Variants in RPS5 observed in about 807,000 individuals in gnomAD.
The protein encoded by RPS5 is small ribosomal subunit protein uS7.
In RPS5, 2 loss-of-function variants were observed where a neutral mutation model predicts 20.9. The ratio of observed to expected loss-of-function variants is 0.10; its 90% CI spans 0.04 to 0.30. RPS5 has a LOEUF of 0.30. Ranked by LOEUF, RPS5 falls within the 10% of genes least tolerant of loss-of-function variation. The probability of loss-of-function intolerance (pLI) is 1.00; values close to 1 mark genes in which losing one functional copy is unlikely to be tolerated. For missense variants in RPS5, 122 were observed against 287.2 expected, an observed-to-expected ratio of 0.42 and a Z score of 4.16; for synonymous variants, 112 against 105.8, an observed-to-expected ratio of 1.06 and a Z score of -0.36.
rs2052386216 is a variant in RPS5, at chr19:58,394,778, G to C, written c.*28G>C. ...TTCCCAGCTGCTGCCCAATAAACCT[G>C]TCTGCCCTTTGGGGCAGTCCCAGCC... On this transcript the variant is annotated 3_prime_UTR_variant, in exon 6 of 6. Coordinates refer to ENST00000196551, the MANE Select transcript of RPS5 (RefSeq NM_001009.4). 1 of 1,612,770 alleles carries C rather than the reference G, an allele frequency of 6.2e-7. No homozygotes were observed. The highest frequency in any genetic ancestry group is 8.5e-7 in the Non-Finnish European group (1 of 1,178,978).
At chr19:58,392,224 TGAGGCAGGAGAATCACTTGAACCCAG>T (rs1238785719) in intron 2 of RPS5, among the ~76,000 whole-genome samples, 1 of 152,110 alleles carries the variant, frequency 6.6e-6, no homozygotes, top group African/African-American at 2.4e-5. Context: ...CTCAGGAGGC[TGAGGCAGGAGAATCACTTGAACCCAG>T]GAGGCAGAAG....
intron 2 of RPS5, 105 bp downstream of exon 2, chr19:58,388,350 A>G (rs2052340445): frequency 2.6e-6 from 2 of 779,304 alleles, no homozygotes; most frequent in Non-Finnish European, 4.4e-6. Context: ...AATAGAGATC[A>G]TAACAGGTAA....
intron 2 of RPS5, among the ~76,000 whole-genome samples, chr19:58,391,587 A>C (rs73060258): frequency 0.17 from 25,098 of 150,582 alleles, 2,446 homozygotes; most frequent in Non-Finnish European, 0.22. Flanking sequence ...TGGGTGACAG[A>C]GTGAGACTCC....
At chr19:58,392,185 T>C (rs564202632) in intron 2 of RPS5, among the ~76,000 whole-genome samples, 1 of 151,612 alleles carries the variant, frequency 6.6e-6, no homozygotes, top group South Asian at 2.1e-4. Flanking sequence ...TTAGCTGGGC[T>C]TGGTGGCGCG....
At chr19:58,394,641 T>C (rs1313530955) in intron 5 of RPS5, 41 bp from the exon 6 acceptor site, 5 of 1,613,824 alleles carry the variant, frequency 3.1e-6, no homozygotes, top group Non-Finnish European at 4.2e-6. Context: ...TGGGCATTTG[T>C]GGGGGTCCTT....
chr19:58,393,764 A>G, intron 4 of RPS5: 1 of 396,060 alleles, frequency 2.5e-6, no homozygotes, highest in Non-Finnish European at 4.5e-6. Flanking sequence ...GGACATTTTG[A>G]GAATCAGTTG....
intron 2 of RPS5, among the ~76,000 whole-genome samples, chr19:58,388,770 G>T (rs1197259352): frequency 6.6e-6 from 1 of 150,874 alleles, no homozygotes; most frequent in Non-Finnish European, 1.5e-5. Context: ...GACTACAGGT[G>T]CCCGCCACTG....
chr19:58,394,798 C>A lies in RPS5; in HGVS notation c.*48C>A. On this transcript the variant is annotated 3_prime_UTR_variant, in exon 6 of 6. Transcript: ENST00000196551. The stretch of plus-strand genomic sequence containing the variant: ...AACCTGTCTGCCCTTTGGGGCAGTC[C>A]CAGCCACCTGTGCTGTTGTCTGTCT... 1 of 1,571,100 alleles carries A rather than the reference C, an allele frequency of 6.4e-7. No homozygotes were observed. Among genetic ancestry groups the A allele is most frequent in the Non-Finnish European group, 8.8e-7 (1 of 1,141,184 alleles).
At chr19:58,390,426 CTTTTTTTTTTT>C (rs61279930) in intron 2 of RPS5, among the ~76,000 whole-genome samples, 25 of 47,704 alleles carry the variant, frequency 5.2e-4, no homozygotes, top group South Asian at 2.1e-3. Flanking sequence ...GCCACTGTTA[CTTTTTTTTTTT>C]TTTTTTTTTT....
intron 2 of RPS5, among the ~76,000 whole-genome samples, chr19:58,389,486 CA>C (rs2052349668): frequency 6.6e-6 from 1 of 152,158 alleles, no homozygotes; most frequent in Admixed American, 6.6e-5. Context: ...GTAAAGATGT[CA>C]GGGGACTTAG....
At chr19:58,393,686 G>A in intron 4 of RPS5, 199 bp downstream of exon 4, 3 of 615,174 alleles carry the variant, frequency 4.9e-6, no homozygotes, top group Non-Finnish European at 2.8e-6. Flanking sequence ...ATTTGGCAGA[G>A]GTCTTCTTTC....
In RPS5 at chr19:58,394,723, G is replaced by A; in HGVS notation, c.588G>A (p.Leu196=). ...NSYAIKKKDE[L]ERVAKSNR ...ATGCCATTAAGAAGAAGGACGAGCT[G>A]GAGCGTGTGGCCAAGTCCAACCGCT... The change falls in exon 6 of 6, where the codon CTG becomes CTA. Residue 196 remains leucine (L), a synonymous_variant. Coordinates refer to ENST00000196551, the MANE Select transcript of RPS5 (RefSeq NM_001009.4). 3 of 1,614,098 alleles carry A rather than the reference G, an allele frequency of 1.9e-6. No individual in the cohort carries two copies. The highest frequency in any genetic ancestry group is 2.5e-6 in the Non-Finnish European group (3 of 1,180,034).
chr19:58,387,780 C>T (rs1253093128), intron 1 of RPS5: 2 of 279,552 alleles, frequency 7.2e-6, no homozygotes, highest in South Asian at 7.5e-5. Context: ...CGAGACGGAA[C>T]GTTGACTTGG....
At chr19:58,394,475 C>T in intron 4 of RPS5, 22 bp from the exon 5 acceptor site, 1 of 1,610,054 alleles carries the variant, frequency 6.2e-7, no homozygotes. Flanking sequence ...TCCTTCTAGC[C>T]TGACCCCTGC....
chr19:58,393,319 A>G (rs1403534464), intron 3 of RPS5, 40 bp from the exon 4 acceptor site: 5 of 1,609,800 alleles, frequency 3.1e-6, no homozygotes, highest in East Asian at 2.2e-5. Flanking sequence ...GGAGGAATGC[A>G]TGGGGCTGGA....
At chr19:58,387,900 T>C (rs2052337002) in intron 1 of RPS5, 3 of 552,288 alleles carry the variant, frequency 5.4e-6, no homozygotes, top group Middle Eastern at 9.7e-4. Context: ...GCAGCAGCTG[T>C]TGACTGGTGG....
chr19:58,393,585 T>A, intron 4 of RPS5, 98 bp downstream of exon 4: 1 of 1,439,442 alleles, frequency 6.9e-7, no homozygotes, highest in Non-Finnish European at 9.3e-7. Flanking sequence ...TCTGCATGTT[T>A]TACCTGCAGC....
chr19:58,387,799 C>G lies in RPS5; in HGVS notation c.-1-338C>G, dbSNP rs150689827. 135 of 312,926 alleles carry G rather than the reference C, an allele frequency of 4.3e-4. 1 individual carries two copies. Among genetic ancestry groups the G allele is most frequent in the African/African-American group, 2.7e-3 (127 of 46,222 alleles). The allele number at this position is 312,926 out of a possible 1,614,324, so 19.4% of individuals were successfully genotyped here. A position where few individuals can be genotyped will look rare whatever the true frequency, so the allele number is the denominator to read the frequency against. ...ACGGAACGTTGACTTGGGTCAAAGA[C>G]CATGTAAATCGCGAGATTGTGGTTT... On this transcript the variant is annotated intron_variant, in intron 1 of 5. Transcript: ENST00000196551.
chr19:58,391,147 T>G (rs1231121522), intron 2 of RPS5, among the ~76,000 whole-genome samples: 1 of 152,174 alleles, frequency 6.6e-6, no homozygotes, highest in African/African-American at 2.4e-5. Context: ...ATGATTGTTT[T>G]AAAACTGTGG....
Sources: gnomAD v4.1 joint callset for allele counts (sites outside exome capture counted in the v4.1 genomes callset) on GRCh38, gnomAD v4.1.1 for gene constraint, MANE v1.5 for transcripts, NCBI Gene and HGNC (gene_info 2026-07-23, HGNC 2026-07-21) for gene names.